The following DMD variants were observed in gnomAD, a reference collection of about 807,000 sequenced individuals.
DMD encodes mutant dystrophin.
A neutral mutation model predicts 330.1 loss-of-function variants in DMD; 63 were observed. That is an observed-to-expected ratio of 0.19 (90% CI 0.16 to 0.24). The LOEUF (loss-of-function observed/expected upper bound fraction) is 0.24. Among genes scored for constraint, DMD ranks in the 10% least tolerant of loss-of-function variants. The pLI is 1.00. For missense variants in DMD, 3,344 were observed against 2,684.1 expected (o/e 1.25, Z -5.43); for synonymous variants, 1,223 against 959.8 (o/e 1.27, Z -5.07).
At chrX:32,206,792 A>G (rs2097071214) in intron 44 of DMD, 1 of 409,210 alleles carries the variant, frequency 2.4e-6, no homozygotes, top group African/African-American at 2.4e-5. Context: ...CGTTTCTGTA[A>G]CAGTTGATAT....
chrX:32,338,896 G>A (rs1347564799), intron 41 of DMD, among the ~76,000 whole-genome samples: 3 of 111,703 alleles, frequency 2.7e-5, no homozygotes, highest in Non-Finnish European at 5.6e-5. Context: ...AAAAGTATCT[G>A]CTTATATATT....
chrX:31,166,948 A>G lies in DMD; in HGVS notation c.10553+2495T>C, dbSNP rs181906193. Among the ~76,000 whole-genome samples, 181 of 111,757 alleles carry G rather than the reference A, an allele frequency of 1.6e-3. 2 individuals are homozygous for G. Among genetic ancestry groups the G allele is most frequent in the South Asian group, 4.9e-3 (13 of 2,633 alleles). Reference sequence around the variant, plus strand: ...CTGGTGTTATGTTTTTTGTTCTTTTAGAGAACAAACCATCCCATTCTTGGA... The same window carrying G: ...CTGGTGTTATGTTTTTTGTTCTTTTGGAGAACAAACCATCCCATTCTTGGA... On this transcript the variant is annotated intron_variant, in intron 74 of 78. Transcript: ENST00000357033.
At chrX:32,341,654 C>T (rs2097743565) in intron 41 of DMD, among the ~76,000 whole-genome samples, 1 of 111,540 alleles carries the variant, frequency 9.0e-6, no homozygotes, top group African/African-American at 3.3e-5. Flanking sequence ...GAGATAATGG[C>T]TTATGCAGGT....
chrX:32,780,816 T>G (rs1190713219), intron 7 of DMD, among the ~76,000 whole-genome samples: 2 of 109,850 alleles, frequency 1.8e-5, no homozygotes, highest in South Asian at 7.7e-4. Context: ...CAAGAAACAT[T>G]TGTTGTACAT....
intron 41 of DMD, among the ~76,000 whole-genome samples, chrX:32,312,008 G>C (rs190448246): frequency 1.8e-5 from 2 of 111,651 alleles, no homozygotes; most frequent in East Asian, 5.6e-4. Context: ...ATCATCTAAA[G>C]CAAGCGTATT....
intron 2 of DMD, among the ~76,000 whole-genome samples, chrX:32,890,444 G>A (rs958053181): frequency 9.2e-6 from 1 of 108,526 alleles, no homozygotes; most frequent in Non-Finnish European, 1.9e-5. Context: ...TGTGGGGGGT[G>A]GGGGAGGGGG....
intron 44 of DMD, among the ~76,000 whole-genome samples, chrX:32,153,211 C>G (rs185315472): frequency 1.6e-3 from 180 of 111,886 alleles, no homozygotes; most frequent in Non-Finnish European, 2.2e-3. Context: ...TTTTATATTT[C>G]TCTTTTTTTA....
chrX:32,324,415 T>C (rs1003776058), intron 41 of DMD, among the ~76,000 whole-genome samples: 4 of 111,413 alleles, frequency 3.6e-5, no homozygotes, highest in Admixed American at 9.6e-5. Flanking sequence ...AAAGTGAAAG[T>C]CACAAGAAAC....
intron 55 of DMD, among the ~76,000 whole-genome samples, chrX:31,614,473 T>C (rs1383362346): frequency 8.9e-6 from 1 of 112,375 alleles, no homozygotes; most frequent in African/African-American, 3.2e-5. Flanking sequence ...ATTATAATGC[T>C]AATATTGAAT....
intron 45 of DMD, among the ~76,000 whole-genome samples, chrX:31,946,795 GTT>G (rs757728186): frequency 9.8e-6 from 1 of 102,523 alleles, no homozygotes; most frequent in Non-Finnish European, 2.0e-5. Context: ...ACTGAAGGGA[GTT>G]TTTTTTTTTT....
At chrX:31,439,427 C>T (rs16998189) in intron 60 of DMD, among the ~76,000 whole-genome samples, 4,122 of 111,460 alleles carry the variant, frequency 0.037, 162 homozygotes, top group African/African-American at 0.11. Flanking sequence ...TAGATCCCTG[C>T]GACAGCAAGT....
At chrX:32,489,490 T>C (rs1603634698) in intron 20 of DMD, among the ~76,000 whole-genome samples, 1 of 110,679 alleles carries the variant, frequency 9.0e-6, no homozygotes, top group East Asian at 2.9e-4. Flanking sequence ...GAGTGAGAAG[T>C]TGGTTATCTG....
At chrX:32,692,168 ATAAAG>A (rs1203395949) in intron 9 of DMD, among the ~76,000 whole-genome samples, 2 of 112,413 alleles carry the variant, frequency 1.8e-5, no homozygotes, top group Admixed American at 9.4e-5. Flanking sequence ...CTTACACACA[ATAAAG>A]TAAATTTCAA....
intron 29 of DMD, among the ~76,000 whole-genome samples, chrX:32,417,164 C>G (rs1192139548): frequency 9.0e-6 from 1 of 111,643 alleles, no homozygotes; most frequent in Non-Finnish European, 1.9e-5. Flanking sequence ...TAATAAGTCT[C>G]TCTCATTCTA....
At chrX:32,373,620 A>G (rs1300971173) in intron 34 of DMD, among the ~76,000 whole-genome samples, 1 of 112,142 alleles carries the variant, frequency 8.9e-6, no homozygotes, top group Non-Finnish European at 1.9e-5. Context: ...ATTTTTTCCA[A>G]CCATTTACAT....
intron 44 of DMD, among the ~76,000 whole-genome samples, chrX:32,197,196 G>A (rs189412427): frequency 9.1e-6 from 1 of 109,624 alleles, no homozygotes; most frequent in Admixed American, 9.8e-5. Flanking sequence ...TGGGTACATC[G>A]TAGGAGTATA....
chrX:32,167,991 A>G (rs1337301085), intron 44 of DMD, among the ~76,000 whole-genome samples: 1 of 112,339 alleles, frequency 8.9e-6, no homozygotes, highest in Non-Finnish European at 1.9e-5. Context: ...AGAAAAGAAA[A>G]CATGATTTAT....
In DMD at chrX:32,420,846, G is replaced by T. The variant is rs182396484; in HGVS notation, c.4072-8933C>A. The stretch of plus-strand genomic sequence containing the variant: ...CTTCAGTCAAGCAGTGTGAAATACA[G>T]CCTTGATAACTAGAAATGGTGCTTT... On this transcript the variant is annotated intron_variant, in intron 29 of 78. Coordinates refer to ENST00000357033, the MANE Select transcript of DMD (RefSeq NM_004006.3). Among the ~76,000 whole-genome samples the T allele has an allele frequency of 2.9e-3, 329 of 111,661 alleles. 2 individuals carry two copies. The highest frequency in any genetic ancestry group is 0.011 in the African/African-American group (325 of 30,751).
At chrX:33,333,995 C>T (rs1306229544) in intron 1 of DMD, among the ~76,000 whole-genome samples, 1 of 111,083 alleles carries the variant, frequency 9.0e-6, no homozygotes, top group Non-Finnish European at 1.9e-5. Flanking sequence ...GAAAATTCCA[C>T]TCACTTTACC....
Sources: gnomAD v4.1 joint callset for allele counts (sites outside exome capture counted in the v4.1 genomes callset) on GRCh38, gnomAD v4.1.1 for gene constraint, MANE v1.5 for transcripts, NCBI Gene and HGNC (gene_info 2026-07-23, HGNC 2026-07-21) for gene names.